The following PTPRD variants were observed in gnomAD, a reference collection of about 807,000 sequenced individuals.
The protein encoded by PTPRD is receptor-type tyrosine-protein phosphatase delta.
A neutral mutation model predicts 214.5 loss-of-function variants in PTPRD; 34 were observed. That is an observed-to-expected ratio of 0.16 (90% CI 0.12 to 0.21). PTPRD has a LOEUF of 0.21. Ranked by LOEUF, PTPRD falls within the 10% of genes least tolerant of loss-of-function variation. PTPRD has a pLI of 1.00. For synonymous variants in PTPRD, 1,128 were observed against 845.7 expected (o/e 1.33, Z -5.79); for missense variants, 2,545 against 2,398.7 (o/e 1.06, Z -1.27).
chr9:8,413,200 T>C (rs1430892362), intron 35 of PTPRD, among the ~76,000 whole-genome samples: 1 of 152,220 alleles, frequency 6.6e-6, no homozygotes, highest in Non-Finnish European at 1.5e-5. Context: ...TATTTTAGGC[T>C]TTCATCATTG....
intron 3 of PTPRD, among the ~76,000 whole-genome samples, chr9:10,255,717 C>T (rs1257606324): frequency 1.3e-5 from 2 of 152,158 alleles, no homozygotes; most frequent in Non-Finnish European, 1.5e-5. Context: ...TAGATTAGCA[C>T]TAAGCTTAAA....
chr9:10,201,635 T>C (rs1446578733), intron 3 of PTPRD, among the ~76,000 whole-genome samples: 1 of 151,970 alleles, frequency 6.6e-6, no homozygotes, highest in Non-Finnish European at 1.5e-5. Context: ...GTTTTATTTC[T>C]TGATAGACAA....
In PTPRD at chr9:8,929,747, A is replaced by ATATATATATGTATATATATGTG. The variant is rs1567060836; in HGVS notation, c.-104+88928_-104+88949dup. 2.2e-3 allele frequency among the ~76,000 whole-genome samples: 138 copies of ATATATATATGTATATATATGTG among 61,700 alleles called. 2 individuals carry two copies. Among genetic ancestry groups the ATATATATATGTATATATATGTG allele is most frequent in the African/African-American group, 8.0e-3 (135 of 16,950 alleles). 40.5% of individuals were successfully genotyped at this position (61,700 alleles called of 152,430 possible). A position where few individuals can be genotyped will look rare whatever the true frequency, so the allele number is the denominator to read the frequency against. ...TATATATATGTGTATATATATGTGT[A>ATATATATATGTATATATATGTG]TATATATATGTATATATATGTGTAT... On this transcript the variant is annotated intron_variant, in intron 11 of 45. Transcript: ENST00000381196.
At chr9:8,731,092 G>A (rs12004182) in intron 12 of PTPRD, among the ~76,000 whole-genome samples, 7,730 of 152,230 alleles carry the variant, frequency 0.051, 642 homozygotes, top group African/African-American at 0.17. Flanking sequence ...TTTGAACCAA[G>A]GCTTATAAGA....
At chr9:9,108,377 G>A (rs1242819726) in intron 10 of PTPRD, among the ~76,000 whole-genome samples, 1 of 152,148 alleles carries the variant, frequency 6.6e-6, no homozygotes, top group East Asian at 1.9e-4. Flanking sequence ...GTATTAACAT[G>A]AGCGGTTGCA....
At chr9:9,928,235 A>G (rs185180922) in intron 5 of PTPRD, among the ~76,000 whole-genome samples, 1 of 152,186 alleles carries the variant, frequency 6.6e-6, no homozygotes, top group Admixed American at 6.5e-5. Context: ...TTAATATTAC[A>G]TGGTTAGAAT....
intron 9 of PTPRD, among the ~76,000 whole-genome samples, chr9:9,273,532 T>G (rs1296687434): frequency 4.6e-5 from 7 of 151,374 alleles, no homozygotes; most frequent in Non-Finnish European, 1.0e-4. Flanking sequence ...GTTTATTTAC[T>G]ATTCTAATGG....
chr9:10,288,170 G>A (rs2095420960), intron 3 of PTPRD, among the ~76,000 whole-genome samples: 1 of 95,786 alleles, frequency 1.0e-5, no homozygotes. Context: ...GTGGGGGGTG[G>A]GTGAGGGTGG....
At chr9:9,175,297 G>A (rs2099923960) in intron 10 of PTPRD, among the ~76,000 whole-genome samples, 1 of 152,006 alleles carries the variant, frequency 6.6e-6, no homozygotes, top group Non-Finnish European at 1.5e-5. Context: ...AGATCATACA[G>A]GGCATGTTTG....
chr9:8,497,255 T>C lies in PTPRD; in HGVS notation c.2336A>G (p.Asp779Gly). The change falls in exon 26 of 46, where the codon GAT (aspartate) becomes GGT (glycine). Residue 779 changes from aspartate to glycine, a missense_variant. Transcript: ENST00000381196. ...AAAATTACTCACATGTTCAGTAGTA[T>C]CATCAAATTCCCACTGATTGAGAAT... The part of the protein sequence containing the change: ...MLADAQWEFD[D>G]TTEHDMIISG... 1 of 1,595,076 alleles carries C rather than the reference T, an allele frequency of 6.3e-7. No homozygotes were observed. The highest frequency in any genetic ancestry group is 8.5e-7 in the Non-Finnish European group (1 of 1,173,366).
chr9:8,457,027 G>T (rs112330691), intron 33 of PTPRD, among the ~76,000 whole-genome samples: 2 of 152,144 alleles, frequency 1.3e-5, no homozygotes, highest in African/African-American at 4.8e-5. Flanking sequence ...TACAGAATAA[G>T]AACTTTCAAT....
At chr9:9,334,929 T>A (rs541440537) in intron 9 of PTPRD, among the ~76,000 whole-genome samples, 11 of 151,864 alleles carry the variant, frequency 7.2e-5, no homozygotes, top group African/African-American at 2.4e-4. Context: ...TAGTAATTTT[T>A]AAAAAAAACC....
intron 2 of PTPRD, among the ~76,000 whole-genome samples, chr9:10,534,027 T>C (rs1010420857): frequency 2.6e-5 from 4 of 151,680 alleles, no homozygotes; most frequent in African/African-American, 9.7e-5. Flanking sequence ...TCAATATTCA[T>C]AGTGAAATGT....
At chr9:8,654,206 T>C (rs987071107) in intron 12 of PTPRD, among the ~76,000 whole-genome samples, 1 of 152,226 alleles carries the variant, frequency 6.6e-6, no homozygotes, top group Non-Finnish European at 1.5e-5. Flanking sequence ...AACCACAGGA[T>C]GGTTGGTCAC....
At position 10,090,997 on chromosome 9, in the gene PTPRD, G is replaced by A. The variant is rs2098423808; in HGVS notation, c.-544-57207C>T. On this transcript the variant is annotated intron_variant, in intron 3 of 45. Coordinates refer to ENST00000381196, the MANE Select transcript of PTPRD (RefSeq NM_002839.4). ...GAGTAACTGTCCAGAGGCAAATGTT[G>A]CCTCATTTTCCATTTCTGACATTAG... 3.4e-5 allele frequency among the ~76,000 whole-genome samples: 5 copies of A among 148,058 alleles called. No homozygotes were observed. The Admixed American group carries it at 3.4e-4, about 10-fold the overall frequency.
At chr9:8,375,875 A>T in intron 39 of PTPRD, 61 bp downstream of exon 39, 1 of 1,557,538 alleles carries the variant, frequency 6.4e-7, no homozygotes, top group Non-Finnish European at 8.7e-7. Context: ...TTGCAGAAAC[A>T]TCCAATGAGA....
intron 12 of PTPRD, among the ~76,000 whole-genome samples, chr9:8,663,554 G>A (rs534656027): frequency 1.2e-4 from 18 of 152,090 alleles, no homozygotes; most frequent in Admixed American, 6.5e-4. Context: ...GCAGTGGTGC[G>A]ATCTTGGCTC....
intron 8 of PTPRD, among the ~76,000 whole-genome samples, chr9:9,415,343 A>C (rs925962078): frequency 1.3e-5 from 2 of 151,992 alleles, no homozygotes; most frequent in Admixed American, 1.3e-4. Flanking sequence ...GTGTGGTGGC[A>C]TGTGTCTGTA....
intron 8 of PTPRD, among the ~76,000 whole-genome samples, chr9:9,404,159 A>G (rs2072183787): frequency 6.6e-6 from 1 of 152,122 alleles, no homozygotes. Context: ...CAAGTAGGCC[A>G]GTGCCAAGAA....
Sources: gnomAD v4.1 joint callset for allele counts (sites outside exome capture counted in the v4.1 genomes callset) on GRCh38, gnomAD v4.1.1 for gene constraint, MANE v1.5 for transcripts, NCBI Gene and HGNC (gene_info 2026-07-23, HGNC 2026-07-21) for gene names.